The following SHROOM3 variants were observed in gnomAD, a reference collection of about 807,000 sequenced individuals.
The protein encoded by SHROOM3 is protein Shroom3.
In SHROOM3, 47 loss-of-function variants were observed where a neutral mutation model predicts 138.6. The observed-to-expected ratio is 0.34, with a 90% CI of 0.27 to 0.43. The LOEUF is 0.43. Ranked by LOEUF, SHROOM3 falls within the 20% of genes least tolerant of loss-of-function variation. The probability of loss-of-function intolerance (pLI) is 1.00; values close to 1 mark genes in which losing one functional copy is unlikely to be tolerated. For synonymous variants in SHROOM3, 1,062 were observed against 1,063.3 expected (o/e 1.00, Z 0.02); for missense variants, 2,491 against 2,596.5 (o/e 0.96, Z 0.88).
chr4:76,654,827 T>C (rs543764086), intron 2 of SHROOM3, among the ~76,000 whole-genome samples: 1 of 152,346 alleles, frequency 6.6e-6, no homozygotes, highest in South Asian at 2.1e-4. Context: ...TATGCTATTA[T>C]ATTAACTTAT....
chr4:76,606,633 G>A (rs1457640070), intron 2 of SHROOM3, among the ~76,000 whole-genome samples: 2 of 152,046 alleles, frequency 1.3e-5, no homozygotes, highest in African/African-American at 2.4e-5. Context: ...AACCCTGGAG[G>A]CAGAGGTTGT....
chr4:76,751,680 G>C (rs72870097), intron 6 of SHROOM3, among the ~76,000 whole-genome samples: 2,455 of 152,216 alleles, frequency 0.016, 72 homozygotes, highest in African/African-American at 0.055. Context: ...TTTATCCAAA[G>C]ATGGCAGACA....
At chr4:76,685,041 G>A (rs760470832) in intron 2 of SHROOM3, among the ~76,000 whole-genome samples, 8 of 152,170 alleles carry the variant, frequency 5.3e-5, no homozygotes, top group Non-Finnish European at 1.0e-4. Context: ...TATGCTAGAA[G>A]CTATATATTG....
rs190744440 is a variant in SHROOM3, at chr4:76,779,252, A to G, written c.*75A>G. On this transcript the variant is annotated 3_prime_UTR_variant, in exon 11 of 11. Transcript: ENST00000296043. ...TTAATCTGAAAAATGTTTCAGTACA[A>G]ACCACTGTTTGAACTATCTGGGTTA... is the stretch of plus-strand genomic sequence containing the variant. The G allele has an allele frequency of 3.2e-5, 48 of 1,514,290 alleles. No individual in the cohort carries two copies. The East Asian group carries it at 9.3e-4, about 29-fold the overall frequency. The allele number at this position is 1,514,290 out of a possible 1,614,324, so 93.8% of individuals were successfully genotyped here. A position where few individuals can be genotyped will look rare whatever the true frequency, so the allele number is the denominator to read the frequency against.
chr4:76,507,981 T>A (rs967110656), intron 1 of SHROOM3, among the ~76,000 whole-genome samples: 21 of 152,272 alleles, frequency 1.4e-4, no homozygotes, highest in Non-Finnish European at 1.0e-4. Context: ...ATCAGATACA[T>A]GTTTTACAAC....
chr4:76,440,418 G>A (rs750315833), intron 1 of SHROOM3, among the ~76,000 whole-genome samples: 1 of 152,114 alleles, frequency 6.6e-6, no homozygotes, highest in Non-Finnish European at 1.5e-5. Context: ...TGAACATTTG[G>A]CTCTCTCTAG....
chr4:76,686,137 A>G (rs1010997753), intron 2 of SHROOM3, among the ~76,000 whole-genome samples: 10 of 151,862 alleles, frequency 6.6e-5, no homozygotes, highest in Admixed American at 2.0e-4. Flanking sequence ...CCTCCCTATT[A>G]TTAGTAGCTA....
chr4:76,453,624 A>G (rs1730971607), intron 1 of SHROOM3, among the ~76,000 whole-genome samples: 1 of 152,214 alleles, frequency 6.6e-6, no homozygotes, highest in East Asian at 1.9e-4. Context: ...CATTTCCCTA[A>G]TATTTAGTGT....
At chr4:76,718,217 G>C (rs1292849891) in intron 3 of SHROOM3, among the ~76,000 whole-genome samples, 1 of 152,164 alleles carries the variant, frequency 6.6e-6, no homozygotes. Context: ...GGTTTTCCCA[G>C]TTTTATTTGG....
intron 1 of SHROOM3, among the ~76,000 whole-genome samples, chr4:76,530,042 TG>T (rs895718010): frequency 8.5e-5 from 13 of 152,224 alleles, no homozygotes; most frequent in African/African-American, 3.1e-4. Context: ...CAATTTGTGC[TG>T]GGGGTCCTGA....
chr4:76,522,693 C>T (rs938475271), intron 1 of SHROOM3, among the ~76,000 whole-genome samples: 1 of 152,158 alleles, frequency 6.6e-6, no homozygotes, highest in African/African-American at 2.4e-5. Flanking sequence ...GAGGCTGAGA[C>T]AGGAGAATCG....
In SHROOM3 at chr4:76,556,351, T is replaced by C. The variant is rs112747654; in HGVS notation, c.323+588T>C. ...ATTATTTATGGAAAGGGGATGGGAA[T>C]TGAATTATTTTTTTGATCTCTATTA... is the stretch of plus-strand genomic sequence containing the variant. On this transcript the variant is annotated intron_variant, in intron 2 of 10. Transcript: ENST00000296043. Among the ~76,000 whole-genome samples, 472 of 152,316 alleles carry C rather than the reference T, an allele frequency of 3.1e-3. 2 individuals are homozygous for C. The highest frequency in any genetic ancestry group is 0.011 in the African/African-American group (452 of 41,582).
chr4:76,773,421 A>G (rs958376562), intron 10 of SHROOM3, among the ~76,000 whole-genome samples: 1 of 151,982 alleles, frequency 6.6e-6, no homozygotes, highest in Non-Finnish European at 1.5e-5. Context: ...AACTGACAGA[A>G]AGTACATGGC....
At chr4:76,567,821 A>C (rs1322321830) in intron 2 of SHROOM3, among the ~76,000 whole-genome samples, 1 of 151,956 alleles carries the variant, frequency 6.6e-6, no homozygotes, top group Admixed American at 6.6e-5. Flanking sequence ...TATGTCCTTC[A>C]CCCTCATAAC....
Position 76,782,508 on chromosome 4 carries a change from A to G in SHROOM3, c.*3331A>G, listed in dbSNP as rs1337108971. 4 of 152,210 alleles carry G rather than the reference A, an allele frequency of 2.6e-5. No homozygotes were observed. The highest frequency in any genetic ancestry group is 9.6e-5 in the African/African-American group (4 of 41,458). 9.4% of individuals were successfully genotyped at this position (152,210 alleles called of 1,614,324 possible). ...AATATATGCTTTAAGCTCTACCTTT[A>G]AACTTGTATGTTATTCAGGCATCTC... On this transcript the variant is annotated 3_prime_UTR_variant, in exon 11 of 11. Coordinates refer to ENST00000296043, the MANE Select transcript of SHROOM3 (RefSeq NM_020859.4).
At chr4:76,540,367 A>G (rs1303880547) in intron 1 of SHROOM3, among the ~76,000 whole-genome samples, 2 of 152,178 alleles carry the variant, frequency 1.3e-5, no homozygotes, top group Non-Finnish European at 2.9e-5. Flanking sequence ...CCCTTGTCCT[A>G]TTTTAGTTCT....
Position 76,616,612 on chromosome 4 carries a change from G to A in SHROOM3, c.323+60849G>A, listed in dbSNP as rs925287181. On this transcript the variant is annotated intron_variant, in intron 2 of 10. Transcript: ENST00000296043. ...ATACTATCTGATTCCGATTATCTGAGGTACCTAGAGTAGTCAAACTCATTG... is the reference window on the plus strand; with the variant it reads ...ATACTATCTGATTCCGATTATCTGAAGTACCTAGAGTAGTCAAACTCATTG... Among the ~76,000 whole-genome samples the A allele has an allele frequency of 1.3e-5, 2 of 152,282 alleles. 1 individual carries two copies.
chr4:76,631,406 T>A (rs1009990852), intron 2 of SHROOM3, among the ~76,000 whole-genome samples: 7 of 151,746 alleles, frequency 4.6e-5, no homozygotes, highest in Non-Finnish European at 1.0e-4. Flanking sequence ...AGAGATGGGG[T>A]TTCACCATAT....
In SHROOM3 at chr4:76,770,843, C is replaced by T; in HGVS notation, c.5567C>T (p.Ala1856Val). The part of the protein sequence containing the change: ...NLLLSLSGRL[A>V]RVENVLSGLG... ...CTGCTCTCCCTCTCGGGGCGTCTAG[C>T]CCGTGTTGAGAATGTCCTTAGCGGC... is the stretch of plus-strand genomic sequence containing the variant. The change falls in exon 10 of 11, where the codon GCC becomes GTC. Residue 1856 changes from alanine (A) to valine (V), a missense_variant. Coordinates refer to ENST00000296043, the MANE Select transcript of SHROOM3 (RefSeq NM_020859.4). The T allele has an allele frequency of 6.2e-7, 1 of 1,614,188 alleles. No individual in the cohort carries two copies.
Sources: gnomAD v4.1 joint callset for allele counts (sites outside exome capture counted in the v4.1 genomes callset) on GRCh38, gnomAD v4.1.1 for gene constraint, MANE v1.5 for transcripts, NCBI Gene and HGNC (gene_info 2026-07-23, HGNC 2026-07-21) for gene names.